RAB3IL1: variants seen among roughly 807,000 people sequenced by gnomAD.
The protein encoded by RAB3IL1 is guanine nucleotide exchange factor for Rab-3A.
In RAB3IL1, 37 loss-of-function variants were observed where a neutral mutation model predicts 49.2. The observed-to-expected ratio is 0.75, with a 90% CI of 0.58 to 0.99. The LOEUF is 0.99. Ranked by LOEUF, RAB3IL1 falls within the 50% of genes least tolerant of loss-of-function variation. The pLI is 0.00. For missense variants in RAB3IL1, 484 were observed against 513.0 expected (o/e 0.94, Z 0.55); for synonymous variants, 193 against 213.9 (o/e 0.90, Z 0.85).
chr11:61,898,092 T>C lies in RAB3IL1; in HGVS notation c.*186A>G. ...AAGAGAGGGGGGTCTTGCCGTGAAG[T>C]CCAGGCCCGTCTGTCCCAGGATGGA... On this transcript the variant is annotated 3_prime_UTR_variant, in exon 10 of 10. Coordinates refer to ENST00000394836, the MANE Select transcript of RAB3IL1 (RefSeq NM_013401.4). The surrounding 1 kb of genome is among the most constrained non-coding windows in gnomAD (Gnocchi z 5.1). 1.6e-6 allele frequency: 1 copy of C among 620,844 alleles called. No individual in the cohort carries two copies. Among genetic ancestry groups the C allele is most frequent in the Admixed American group, 2.7e-5 (1 of 36,436 alleles). The allele number at this position is 620,844 out of a possible 1,614,324, so 38.5% of individuals were successfully genotyped here.
chr11:61,920,274 A>T, upstream of RAB3IL1: 1 of 1,233,820 alleles, frequency 8.1e-7, no homozygotes, highest in Middle Eastern at 3.1e-4. Flanking sequence ...CACCAGGCTG[A>T]GCCTCACACT....
rs1262679446 is a variant in RAB3IL1 at position 61,902,597 on chromosome 11, A to G, written c.900-56T>C. ...TGGCTGGGGCTTGCCCCTCTCCCTC[A>G]CCCCTGCATACAGGGAAGATGCAGC... On this transcript the variant is annotated intron_variant, in intron 7 of 9. Coordinates refer to ENST00000394836, the MANE Select transcript of RAB3IL1 (RefSeq NM_013401.4). 8 of 1,425,138 alleles carry G rather than the reference A, an allele frequency of 5.6e-6. No individual in the cohort carries two copies. In the Admixed American group the frequency reaches 1.6e-4, roughly 28 times the overall value. The allele number at this position is 1,425,138 out of a possible 1,614,324, so 88.3% of individuals were successfully genotyped here. A position where few individuals can be genotyped will look rare whatever the true frequency, so the allele number is the denominator to read the frequency against.
the RAB3IL1 span, among the ~76,000 whole-genome samples, chr11:61,939,920 T>TG: frequency 6.6e-6 from 1 of 151,182 alleles, no homozygotes; most frequent in Admixed American, 6.6e-5. Flanking sequence ...ATCTTGCCAC[T>TG]GCACTCCAGC....
chr11:61,903,224 C>A (rs1939011210), intron 7 of RAB3IL1, among the ~76,000 whole-genome samples: 1 of 152,032 alleles, frequency 6.6e-6, no homozygotes, highest in Admixed American at 6.6e-5. Context: ...CACCAAGTCC[C>A]CAGGCCAGGG....
chr11:61,931,293 C>G, the RAB3IL1 span, among the ~76,000 whole-genome samples: 1 of 152,270 alleles, frequency 6.6e-6, no homozygotes, highest in East Asian at 1.9e-4. Flanking sequence ...CACTGAAATC[C>G]AAGACCTCCA....
At chr11:61,915,856 T>C (rs910100787) in intron 1 of RAB3IL1, among the ~76,000 whole-genome samples, 1 of 151,622 alleles carries the variant, frequency 6.6e-6, no homozygotes, top group Non-Finnish European at 1.5e-5. Context: ...GCTAACATGG[T>C]GAAACCCTGT....
At position 61,906,735 on chromosome 11, in the gene RAB3IL1, T is replaced by C; in HGVS notation, c.439-51A>G. 1 of 1,518,792 alleles carries C rather than the reference T, an allele frequency of 6.6e-7. No homozygotes were observed. The highest frequency in any genetic ancestry group is 2.4e-5 in the East Asian group (1 of 42,336). 94.1% of individuals were successfully genotyped at this position (1,518,792 alleles called of 1,614,324 possible). ...CCCTCACCCAGACTGGATGCCATCCTGGCTGCCACCGCCTATCAGCCTAAC... is the reference window on the plus strand; with the variant it reads ...CCCTCACCCAGACTGGATGCCATCCCGGCTGCCACCGCCTATCAGCCTAAC... On this transcript the variant is annotated intron_variant, in intron 4 of 9. Transcript: ENST00000394836. The surrounding 1 kb of genome is among the most constrained non-coding windows in gnomAD (Gnocchi z 4.6).
At chr11:61,909,924 T>C (rs1939384874) in intron 1 of RAB3IL1, among the ~76,000 whole-genome samples, 1 of 152,202 alleles carries the variant, frequency 6.6e-6, no homozygotes, top group Admixed American at 6.5e-5. Context: ...CTGGTCAACA[T>C]GGTGAAACCC....
rs879252470 is a variant in RAB3IL1, at chr11:61,907,545, C to T, written c.360+20G>A. Reference sequence around the variant, plus strand: ...CAGATGACCCATTCCCCAAGTTGTTCCCGCGCCCAGCCGGTGTACCTCAAA... The same window carrying T: ...CAGATGACCCATTCCCCAAGTTGTTTCCGCGCCCAGCCGGTGTACCTCAAA... On this transcript the variant is annotated intron_variant, in intron 3 of 9. Coordinates refer to ENST00000394836, the MANE Select transcript of RAB3IL1 (RefSeq NM_013401.4). 2.5e-6 allele frequency: 4 copies of T among 1,613,788 alleles called. No individual in the cohort carries two copies. The highest frequency in any genetic ancestry group is 2.5e-6 in the Non-Finnish European group (3 of 1,179,896).
intron 1 of RAB3IL1, among the ~76,000 whole-genome samples, chr11:61,909,844 C>T (rs977304599): frequency 2.0e-5 from 3 of 152,200 alleles, no homozygotes; most frequent in East Asian, 1.9e-4. Flanking sequence ...CAGTGGCTCA[C>T]GCCTGTAATC....
At chr11:61,900,505 A>G (rs1345881497) in intron 8 of RAB3IL1, among the ~76,000 whole-genome samples, 1 of 152,152 alleles carries the variant, frequency 6.6e-6, no homozygotes, top group Non-Finnish European at 1.5e-5. Flanking sequence ...TCGGGGGACC[A>G]GCCCGTCGTG....
intron 8 of RAB3IL1, 26 bp downstream of exon 8, chr11:61,902,416 A>C (rs369427588): frequency 6.4e-7 from 1 of 1,565,824 alleles, no homozygotes; most frequent in Non-Finnish European, 8.7e-7. Context: ...AAAGGAGTCA[A>C]GTAACGCTTG....
chr11:61,899,728 G>GTTTTT, intron 8 of RAB3IL1: 3 of 265,012 alleles, frequency 1.1e-5, no homozygotes, highest in South Asian at 9.8e-5. Context: ...GCAGAGCTGT[G>GTTTTT]AGATGAACCG....
chr11:61,934,315 AAT>A, the RAB3IL1 span, among the ~76,000 whole-genome samples: 49 of 45,906 alleles, frequency 1.1e-3, no homozygotes, highest in African/African-American at 2.9e-3. Context: ...GGCCTGAGTA[AAT>A]ATACACACAC....
chr11:61,916,777 C>A (rs1036064046), intron 1 of RAB3IL1, among the ~76,000 whole-genome samples: 1 of 152,174 alleles, frequency 6.6e-6, no homozygotes, highest in Admixed American at 6.5e-5. Flanking sequence ...ACAGACACAG[C>A]CACTGGGGCC....
chr11:61,940,894 T>C, the RAB3IL1 span, among the ~76,000 whole-genome samples: 1 of 151,816 alleles, frequency 6.6e-6, no homozygotes, highest in Non-Finnish European at 1.5e-5. Flanking sequence ...CACTCCAGCC[T>C]GGGCAACAGA....
At chr11:61,929,590 AT>A in the RAB3IL1 span, among the ~76,000 whole-genome samples, 847 of 144,670 alleles carry the variant, frequency 5.9e-3, 8 homozygotes, top group African/African-American at 0.017. Flanking sequence ...AACCAAGCAG[AT>A]TTTTTTTTTT....
the RAB3IL1 span, among the ~76,000 whole-genome samples, chr11:61,934,609 T>A: frequency 6.6e-6 from 1 of 150,930 alleles, no homozygotes; most frequent in African/African-American, 2.4e-5. Flanking sequence ...GAGGTGCACA[T>A]GCGTGCCTAG....
At chr11:61,909,050 A>G (rs1334095340) in intron 1 of RAB3IL1, among the ~76,000 whole-genome samples, 7 of 152,130 alleles carry the variant, frequency 4.6e-5, no homozygotes, top group African/African-American at 1.2e-4. Flanking sequence ...TCTCCACTCC[A>G]AAGTGGACCC....
Sources: gnomAD v4.1 joint callset for allele counts (sites outside exome capture counted in the v4.1 genomes callset) on GRCh38, gnomAD v4.1.1 for gene constraint, Gnocchi (gnomAD v3.1) non-coding constraint, MANE v1.5 for transcripts, NCBI Gene and HGNC (gene_info 2026-07-23, HGNC 2026-07-21) for gene names.